PDE7A: variants seen among roughly 807,000 people sequenced by gnomAD.
PDE7A encodes the protein phosphodiesterase 7A, also known as high affinity 3',5'-cyclic-AMP phosphodiesterase 7A.
In PDE7A, 39 loss-of-function variants were observed where a neutral mutation model predicts 64.3. The ratio of observed to expected loss-of-function variants is 0.61; its 90% CI spans 0.47 to 0.79. PDE7A has a LOEUF of 0.79. Ranked by LOEUF, PDE7A falls within the 30% of genes least tolerant of loss-of-function variation. The pLI is 0.00. For synonymous variants in PDE7A, 203 were observed against 206.8 expected, an observed-to-expected ratio of 0.98 and a Z score of 0.16; for missense variants, 470 against 582.8, an observed-to-expected ratio of 0.81 and a Z score of 1.99.
Position 65,716,674 on chromosome 8 carries a change from T to C in PDE7A, c.*2616A>G, listed in dbSNP as rs1236110853. Among the ~76,000 whole-genome samples the C allele has an allele frequency of 6.6e-6, 1 of 152,202 alleles. No individual in the cohort carries two copies. Among genetic ancestry groups the C allele is most frequent in the Non-Finnish European group, 1.5e-5 (1 of 68,032 alleles). ...AATAATTGATAGTTACATTTCTCAC[T>C]GTAAATTAAAATATTGATAGTGTTT... On this transcript the variant is annotated 3_prime_UTR_variant, in exon 13 of 13. Transcript: ENST00000401827.
chr8:65,841,981 C>CGCT lies in PDE7A; in HGVS notation c.-474_-473insAGC. 3.9e-6 allele frequency: 1 copy of CGCT among 259,574 alleles called. No homozygotes were observed. The highest frequency in any genetic ancestry group is 7.3e-6 in the Non-Finnish European group (1 of 136,312). 16.1% of individuals were successfully genotyped at this position (259,574 alleles called of 1,614,324 possible). ...CAGCTCGGGCCGCCGCCGCCGCCGC[C>CGCT]GCCGCCGCCGCCGGAGTCCTGCTCC... On this transcript the variant is annotated 5_prime_UTR_variant, in exon 1 of 13. Coordinates refer to ENST00000401827, the MANE Select transcript of PDE7A (RefSeq NM_001242318.3).
chr8:65,825,448 T>TAG (rs1810647312), intron 1 of PDE7A, among the ~76,000 whole-genome samples: 2 of 152,188 alleles, frequency 1.3e-5, no homozygotes, highest in Admixed American at 6.5e-5. Context: ...GAGCTTTAGT[T>TAG]AGAGAGAGAT....
At chr8:65,741,660 G>A (rs1013389662) in intron 5 of PDE7A, among the ~76,000 whole-genome samples, 2 of 152,166 alleles carry the variant, frequency 1.3e-5, no homozygotes, top group Non-Finnish European at 2.9e-5. Context: ...GTACAAACAC[G>A]AGTCCATGTG....
At chr8:65,726,465 G>A (rs1031076213) in intron 9 of PDE7A, among the ~76,000 whole-genome samples, 1 of 152,006 alleles carries the variant, frequency 6.6e-6, no homozygotes, top group Non-Finnish European at 1.5e-5. Flanking sequence ...GAAAACTTCT[G>A]GGAACAGATT....
At chr8:65,787,013 T>C (rs905147750) in intron 1 of PDE7A, among the ~76,000 whole-genome samples, 1 of 152,200 alleles carries the variant, frequency 6.6e-6, no homozygotes, top group Non-Finnish European at 1.5e-5. Context: ...AGGTAAATGA[T>C]AAAAGGTGTA....
intron 1 of PDE7A, among the ~76,000 whole-genome samples, chr8:65,810,831 T>C (rs113483046): frequency 0.026 from 4,018 of 152,214 alleles, 90 homozygotes; most frequent in Non-Finnish European, 0.04. Context: ...AAAACTGTTA[T>C]TTGCAGGTGA....
chr8:65,815,408 A>T (rs918239754), intron 1 of PDE7A, among the ~76,000 whole-genome samples: 3 of 152,186 alleles, frequency 2.0e-5, no homozygotes. Context: ...CACTTTAGAG[A>T]CAGGATCTGG....
At chr8:65,793,200 C>G (rs60209012) in intron 1 of PDE7A, among the ~76,000 whole-genome samples, 9 of 152,232 alleles carry the variant, frequency 5.9e-5, no homozygotes, top group Admixed American at 2.0e-4. Context: ...CTTTCCCACC[C>G]AATTCTTCAA....
At chr8:65,823,461 A>C (rs1349325835) in intron 1 of PDE7A, among the ~76,000 whole-genome samples, 1 of 152,198 alleles carries the variant, frequency 6.6e-6, no homozygotes, top group East Asian at 1.9e-4. Context: ...TCAGAAAACT[A>C]ATCTGTCTAA....
intron 3 of PDE7A, among the ~76,000 whole-genome samples, chr8:65,754,480 G>A (rs531481630): frequency 2.0e-5 from 3 of 151,650 alleles, no homozygotes; most frequent in African/African-American, 7.2e-5. Flanking sequence ...TGGGATTACA[G>A]GTGCCCACCA....
At chr8:65,818,487 T>C (rs72650505) in intron 1 of PDE7A, among the ~76,000 whole-genome samples, 10 of 152,318 alleles carry the variant, frequency 6.6e-5, no homozygotes, top group Admixed American at 2.6e-4. Context: ...TTCCTAGTTG[T>C]CCCTTTGCAC....
chr8:65,816,481 G>A (rs2128931236), intron 1 of PDE7A, among the ~76,000 whole-genome samples: 1 of 152,148 alleles, frequency 6.6e-6, no homozygotes, highest in South Asian at 2.1e-4. Flanking sequence ...TTTCCATCTG[G>A]TGTCATTTCC....
At chr8:65,737,342 GT>G (rs1442500850) in intron 6 of PDE7A, among the ~76,000 whole-genome samples, 2 of 152,084 alleles carry the variant, frequency 1.3e-5, no homozygotes, top group Admixed American at 6.5e-5. Flanking sequence ...AATGTGCAAA[GT>G]GGGGATATGC....
intron 3 of PDE7A, among the ~76,000 whole-genome samples, chr8:65,760,342 C>T (rs1808430284): frequency 6.6e-6 from 1 of 152,224 alleles, no homozygotes; most frequent in Admixed American, 6.5e-5. Context: ...ATTATCATCA[C>T]TTAATATTTT....
intron 1 of PDE7A, among the ~76,000 whole-genome samples, chr8:65,818,427 T>C (rs1323925570): frequency 2.0e-5 from 3 of 152,224 alleles, no homozygotes; most frequent in Non-Finnish European, 4.4e-5. Flanking sequence ...ATCACTGATA[T>C]CTCTGCTCAT....
chr8:65,765,225 C>G (rs1808706978), intron 3 of PDE7A, among the ~76,000 whole-genome samples: 1 of 152,096 alleles, frequency 6.6e-6, no homozygotes, highest in African/African-American at 2.4e-5. Context: ...CGCGGTGGCT[C>G]ACGCCTGTAA....
At chr8:65,744,924 C>T (rs1288077029) in intron 5 of PDE7A, among the ~76,000 whole-genome samples, 1 of 152,124 alleles carries the variant, frequency 6.6e-6, no homozygotes, top group Non-Finnish European at 1.5e-5. Flanking sequence ...AATGATGCTC[C>T]CTGATATGGT....
chr8:65,789,096 C>A, intron 1 of PDE7A: 1 of 1,370,914 alleles, frequency 7.3e-7, no homozygotes, highest in Non-Finnish European at 9.5e-7. Context: ...ACAGTGATCA[C>A]CTGACTCCTC....
At chr8:65,786,299 A>G (rs1295949537) in intron 1 of PDE7A, among the ~76,000 whole-genome samples, 1 of 152,168 alleles carries the variant, frequency 6.6e-6, no homozygotes, top group Non-Finnish European at 1.5e-5. Flanking sequence ...ATGAGACCAA[A>G]ACTGTTTTTA....
Sources: gnomAD v4.1 joint callset for allele counts (sites outside exome capture counted in the v4.1 genomes callset) on GRCh38, gnomAD v4.1.1 for gene constraint, MANE v1.5 for transcripts, NCBI Gene and HGNC (gene_info 2026-07-23, HGNC 2026-07-21) for gene names.